Variants in STARD9 observed in about 807,000 individuals in gnomAD.
The protein encoded by STARD9 is StAR related lipid transfer domain containing 9.
A neutral mutation model predicts 399.8 loss-of-function variants in STARD9; 346 were observed. That is an observed-to-expected ratio of 0.87 (90% CI 0.79 to 0.95). STARD9 has a LOEUF of 0.95. Ranked by LOEUF, STARD9 falls within the 40% of genes least tolerant of loss-of-function variation. The probability of loss-of-function intolerance (pLI) is 0.00; values close to 1 mark genes in which losing one functional copy is unlikely to be tolerated. For missense variants in STARD9, 5,832 were observed against 5,667.5 expected (o/e 1.03, Z -0.93); for synonymous variants, 2,203 against 2,143.5 (o/e 1.03, Z -0.77).
At chr15:42,576,019 G>C (rs1406191300) in intron 1 of STARD9, among the ~76,000 whole-genome samples, 5 of 152,218 alleles carry the variant, frequency 3.3e-5, no homozygotes, top group African/African-American at 1.2e-4. Context: ...CTGCCAGCAG[G>C]AGTTTCGAGG....
At chr15:42,715,470 C>T (rs1652419240) in intron 26 of STARD9, among the ~76,000 whole-genome samples, 1 of 151,708 alleles carries the variant, frequency 6.6e-6, no homozygotes, top group Admixed American at 6.6e-5. Flanking sequence ...CACTTGAGCC[C>T]AGGAGTCTAA....
chr15:42,685,454 G>A lies in STARD9; in HGVS notation c.3876G>A (p.Glu1292=). 6.5e-7 allele frequency: 1 copy of A among 1,536,618 alleles called. No homozygotes were observed. The highest frequency in any genetic ancestry group is 8.7e-7 in the Non-Finnish European group (1 of 1,146,656). The change falls in exon 23 of 33, where the codon GAG becomes GAA. Residue 1292 remains glutamate (E), a synonymous_variant. Transcript: ENST00000290607. ...QPHCELQPHC[E]LQPHCELQPH... ...ATTGTGAGCTCCAACCCCATTGTGA[G>A]CTCCAACCCCATTGTGAGCTCCAGC...
intron 3 of STARD9, among the ~76,000 whole-genome samples, chr15:42,618,426 C>G (rs12914539): frequency 2.0e-5 from 3 of 152,094 alleles, no homozygotes; most frequent in African/African-American, 4.8e-5. Flanking sequence ...AGCCGCCACA[C>G]CCTGCCACTA....
At chr15:42,587,055 C>T (rs1489176244) in intron 3 of STARD9, among the ~76,000 whole-genome samples, 1 of 151,968 alleles carries the variant, frequency 6.6e-6, no homozygotes, top group Non-Finnish European at 1.5e-5. Context: ...AGGTTTTCAT[C>T]ATGTTGCCCA....
intron 1 of STARD9, among the ~76,000 whole-genome samples, chr15:42,577,377 T>G (rs554194245): frequency 3.7e-4 from 57 of 152,280 alleles, no homozygotes; most frequent in African/African-American, 1.3e-3. Context: ...ATGGTCTCGA[T>G]CTCCTGACCT....
chr15:42,615,617 A>G (rs1393241905), intron 3 of STARD9, among the ~76,000 whole-genome samples: 4 of 151,616 alleles, frequency 2.6e-5, no homozygotes, highest in Non-Finnish European at 4.4e-5. Flanking sequence ...TATGATTATG[A>G]CTATGGGAGG....
At chr15:42,670,455 A>G (rs950040217) in intron 16 of STARD9, 1 of 152,206 alleles carries the variant, frequency 6.6e-6, no homozygotes, top group Admixed American at 6.5e-5. Context: ...AGAGTCTTTT[A>G]TCTTGTTCTC....
At chr15:42,583,494 T>C in intron 2 of STARD9, 79 bp downstream of exon 2, 1 of 1,039,728 alleles carries the variant, frequency 9.6e-7, no homozygotes. Flanking sequence ...TGAAGGTGTA[T>C]ATGTGAATGT....
intron 6 of STARD9, 78 bp from the exon 7 acceptor site, chr15:42,638,622 C>A: frequency 1.0e-6 from 1 of 958,600 alleles, no homozygotes; most frequent in East Asian, 2.7e-5. Context: ...AGAACTAAGA[C>A]CTCCTGATTT....
intron 16 of STARD9, 135 bp from the exon 17 acceptor site, chr15:42,674,305 A>G (rs1332073984): frequency 1.8e-5 from 13 of 728,922 alleles, no homozygotes; most frequent in Non-Finnish European, 2.8e-5. Flanking sequence ...AGTGGTACCG[A>G]CCAGGCTGGG....
In STARD9 at chr15:42,665,842, A is replaced by G; in HGVS notation, c.1311A>G (p.Glu437=). 2.0e-6 allele frequency: 3 copies of G among 1,537,104 alleles called. No individual in the cohort carries two copies. Among genetic ancestry groups the G allele is most frequent in the Non-Finnish European group, 2.6e-6 (3 of 1,146,810 alleles). The change falls in exon 15 of 33, where the codon GAA becomes GAG. Residue 437 remains glutamate (E), a synonymous_variant. Transcript: ENST00000290607. ...ENLKELVLQN[E]LKIDQLTKDW... ...TGAAGGAGCTGGTTCTCCAAAATGA[A>G]TTGAAGGTGGGTGTGTTGGGTGGAC...
intron 7 of STARD9, 65 bp from the exon 8 acceptor site, chr15:42,650,951 A>T: frequency 8.4e-7 from 1 of 1,194,440 alleles, no homozygotes; most frequent in Non-Finnish European, 1.2e-6. Context: ...AAGACTTACA[A>T]GAAAAGGTTA....
At position 42,692,418 on chromosome 15, in the gene STARD9, C is replaced by T; in HGVS notation, c.10840C>T (p.Pro3614Ser). Reference protein sequence around the residue: ...PPLAKGSAAGPVDEIMLLYPS... With the variant: ...PPLAKGSAAGSVDEIMLLYPS... ...CTTGGCCAAAGGAAGTGCTGCAGGT[C>T]CAGTGGATGAGATTATGCTGCTGTA... Residue 3614 changes from proline (P) to serine (S), a missense_variant, in exon 23 of 33, where the codon CCA becomes TCA. Physicochemically the swap from Pro to Ser is moderately conservative, Grantham distance 74 (BLOSUM62 -1). Coordinates refer to ENST00000290607, the MANE Select transcript of STARD9 (RefSeq NM_020759.3). 1.3e-6 allele frequency: 2 copies of T among 1,537,078 alleles called. No individual in the cohort carries two copies. The highest frequency in any genetic ancestry group is 1.7e-6 in the Non-Finnish European group (2 of 1,146,908).
intron 3 of STARD9, among the ~76,000 whole-genome samples, chr15:42,629,075 A>G (rs1275480923): frequency 6.6e-6 from 1 of 152,026 alleles, no homozygotes; most frequent in Non-Finnish European, 1.5e-5. Context: ...GCTGGAGTGC[A>G]GGGACGTGAT....
intron 7 of STARD9, among the ~76,000 whole-genome samples, chr15:42,645,829 A>G (rs753886624): frequency 1.6e-4 from 25 of 152,052 alleles, no homozygotes; most frequent in Non-Finnish European, 3.1e-4. Flanking sequence ...GCTGTGAGTC[A>G]CCGCGCCCAG....
chr15:42,703,872 T>A (rs1162985778), intron 26 of STARD9, among the ~76,000 whole-genome samples: 4 of 152,050 alleles, frequency 2.6e-5, no homozygotes, highest in African/African-American at 9.7e-5. Context: ...CCTCCAGGAT[T>A]TCTGTTTGAT....
intron 26 of STARD9, among the ~76,000 whole-genome samples, chr15:42,698,813 G>T (rs958565037): frequency 2.6e-5 from 4 of 151,812 alleles, no homozygotes; most frequent in Non-Finnish European, 5.9e-5. Flanking sequence ...TTCATATGAG[G>T]TATGGATCCG....
chr15:42,685,020 G>A lies in STARD9; in HGVS notation c.3442G>A (p.Glu1148Lys). Residue 1148 changes from glutamate to lysine, a missense_variant, in exon 23 of 33, where the codon GAG becomes AAG. Glu to Lys is a moderately conservative substitution (Grantham distance 56). Coordinates refer to ENST00000290607, the MANE Select transcript of STARD9 (RefSeq NM_020759.3). ...NSESDDSQLSEDSLAEKRYQS... is the reference protein window; with the variant it reads ...NSESDDSQLSKDSLAEKRYQS... ...TGAAAGTGATGACAGCCAACTATCT[G>A]AGGACTCACTGGCTGAGAAGAGGTA... 1 of 1,537,180 alleles carries A rather than the reference G, an allele frequency of 6.5e-7. No homozygotes were observed. The highest frequency in any genetic ancestry group is 1.2e-5 in the South Asian group (1 of 84,050).
chr15:42,589,637 G>A (rs1002538583), intron 3 of STARD9, among the ~76,000 whole-genome samples: 9 of 146,684 alleles, frequency 6.1e-5, no homozygotes, highest in African/African-American at 1.5e-4. Context: ...ATGGAGTTTC[G>A]CTCTTGTTGC....
Sources: gnomAD v4.1 joint callset for allele counts (sites outside exome capture counted in the v4.1 genomes callset) on GRCh38, gnomAD v4.1.1 for gene constraint, MANE v1.5 for transcripts, NCBI Gene and HGNC (gene_info 2026-07-23, HGNC 2026-07-21) for gene names.